Variants in PDE7B observed in about 807,000 individuals in gnomAD.
The protein encoded by PDE7B is phosphodiesterase 7B, also known as 3',5'-cyclic-AMP phosphodiesterase 7B.
Under a neutral mutation model 56.2 loss-of-function variants are expected in PDE7B, and 29 were observed. That is an observed-to-expected ratio of 0.52 (90% CI 0.38 to 0.70). PDE7B has a LOEUF of 0.70. PDE7B is among the 30% of genes least tolerant of loss of function. The pLI, the probability that PDE7B is intolerant of heterozygous loss-of-function variation, is 0.00. For synonymous variants in PDE7B, 197 were observed against 196.9 expected (o/e 1.00, Z 0.00); for missense variants, 490 against 565.0 (o/e 0.87, Z 1.35).
At chr6:136,084,153 T>C (rs907515890) in intron 2 of PDE7B, among the ~76,000 whole-genome samples, 2 of 152,158 alleles carry the variant, frequency 1.3e-5, no homozygotes, top group Non-Finnish European at 2.9e-5. Flanking sequence ...CTCTCCAAAT[T>C]ATTTATCCAT....
chr6:136,100,856 G>A (rs1261162871), intron 2 of PDE7B, among the ~76,000 whole-genome samples: 1 of 152,176 alleles, frequency 6.6e-6, no homozygotes, highest in Non-Finnish European at 1.5e-5. Flanking sequence ...GGTTTTCAAA[G>A]GGAATGCTTC....
chr6:135,915,799 G>C (rs1017616805), intron 1 of PDE7B, among the ~76,000 whole-genome samples: 1 of 152,156 alleles, frequency 6.6e-6, no homozygotes, highest in Non-Finnish European at 1.5e-5. Context: ...AGAATTATAC[G>C]GAATGTGCGT....
chr6:135,999,757 A>G (rs1407033798), intron 2 of PDE7B, among the ~76,000 whole-genome samples: 2 of 151,996 alleles, frequency 1.3e-5, no homozygotes, highest in Non-Finnish European at 2.9e-5. Context: ...AAAATGATTT[A>G]CATTGCTCTG....
At chr6:135,894,463 G>C (rs1775862307) in intron 1 of PDE7B, among the ~76,000 whole-genome samples, 1 of 152,068 alleles carries the variant, frequency 6.6e-6, no homozygotes, top group Admixed American at 6.6e-5. Flanking sequence ...ATAATAACAA[G>C]AATTATAACC....
chr6:136,030,442 CTGTGTGTGCATGTG>C (rs1776228151), intron 2 of PDE7B, among the ~76,000 whole-genome samples: 1 of 151,470 alleles, frequency 6.6e-6, no homozygotes, highest in Non-Finnish European at 1.5e-5. Flanking sequence ...AACTTTTGTG[CTGTGTGTGCATGTG>C]TGTGTGTGCA....
At chr6:135,971,915 A>T (rs1583803913) in intron 2 of PDE7B, among the ~76,000 whole-genome samples, 1 of 152,274 alleles carries the variant, frequency 6.6e-6, no homozygotes, top group East Asian at 1.9e-4. Context: ...CAGCCATAAT[A>T]GATAATAATG....
chr6:135,854,144 A>G (rs1403624948), intron 1 of PDE7B, among the ~76,000 whole-genome samples: 1 of 152,220 alleles, frequency 6.6e-6, no homozygotes, highest in Non-Finnish European at 1.5e-5. Context: ...AAAATGCCTC[A>G]GCCTAGTAAT....
chr6:136,099,604 T>C (rs1299397473), intron 2 of PDE7B, among the ~76,000 whole-genome samples: 1 of 152,044 alleles, frequency 6.6e-6, no homozygotes, highest in African/African-American at 2.4e-5. Flanking sequence ...ATATCCTTTG[T>C]CCACTTTTTG....
chr6:136,128,628 C>T (rs540972290), intron 3 of PDE7B, among the ~76,000 whole-genome samples: 40 of 152,270 alleles, frequency 2.6e-4, no homozygotes, highest in South Asian at 8.3e-4. Context: ...CTTACTCACA[C>T]CATTGAGCTA....
At chr6:136,000,300 T>C (rs1369056376) in intron 2 of PDE7B, among the ~76,000 whole-genome samples, 1 of 152,168 alleles carries the variant, frequency 6.6e-6, no homozygotes, top group African/African-American at 2.4e-5. Context: ...TTGCTTTTGG[T>C]GTCTTTGTCA....
At chr6:136,118,098 T>C (rs1777870752) in intron 3 of PDE7B, among the ~76,000 whole-genome samples, 1 of 152,132 alleles carries the variant, frequency 6.6e-6, no homozygotes, top group South Asian at 2.1e-4. Flanking sequence ...TTATAATAGG[T>C]CCATAATAAA....
chr6:135,978,022 G>C (rs6902199), intron 2 of PDE7B, among the ~76,000 whole-genome samples: 3 of 152,060 alleles, frequency 2.0e-5, no homozygotes, highest in Non-Finnish European at 4.4e-5. Context: ...AGGCAAACCT[G>C]TACGGTAATG....
intron 8 of PDE7B, among the ~76,000 whole-genome samples, chr6:136,166,157 C>T (rs1001582547): frequency 3.3e-5 from 5 of 152,010 alleles, no homozygotes; most frequent in Non-Finnish European, 7.4e-5. Context: ...TCCACATGTC[C>T]CACACTGAAC....
intron 2 of PDE7B, among the ~76,000 whole-genome samples, chr6:135,997,771 T>C (rs62429930): frequency 0.023 from 3,430 of 152,280 alleles, 49 homozygotes; most frequent in Non-Finnish European, 0.035. Flanking sequence ...GAACACAAGA[T>C]GGTATAAATG....
intron 1 of PDE7B, among the ~76,000 whole-genome samples, chr6:135,882,967 AG>A (rs1410503547): frequency 6.6e-6 from 1 of 152,150 alleles, no homozygotes; most frequent in Non-Finnish European, 1.5e-5. Context: ...TTTTTTCATA[AG>A]GTAGACATTG....
chr6:136,150,855 A>ATGTGTGTGTG lies in PDE7B; in HGVS notation c.383-299_383-290dup, dbSNP rs60877369. On this transcript the variant is annotated intron_variant, in intron 5 of 12. Coordinates refer to ENST00000308191, the MANE Select transcript of PDE7B (RefSeq NM_018945.4). ...TCTTTAAAAAAATACACATATACACATGTGTGTGTGTGTGTATGTGTATGT... is the reference window on the plus strand; with the variant it reads ...TCTTTAAAAAAATACACATATACACATGTGTGTGTGTGTGTGTGTGTGTGTATGTGTATGT... Among the ~76,000 whole-genome samples, 178 of 150,618 alleles carry ATGTGTGTGTG rather than the reference A, an allele frequency of 1.2e-3. 2 individuals are homozygous for ATGTGTGTGTG. The highest frequency in any genetic ancestry group is 3.9e-3 in the African/African-American group (161 of 41,158).
In PDE7B at chr6:135,987,237, TCTCAG is replaced by T. The variant is rs140000985; in HGVS notation, c.82+39719_82+39723del. ...CTTTTTAAATGATTTGGGATAATCT[TCTCAG>T]CTCAGGCGAAAGCTGTTCAGAGTCA... On this transcript the variant is annotated intron_variant, in intron 2 of 12. Coordinates refer to ENST00000308191, the MANE Select transcript of PDE7B (RefSeq NM_018945.4). Among the ~76,000 whole-genome samples the T allele has an allele frequency of 3.3e-5, 5 of 152,254 alleles. No individual in the cohort carries two copies. In the East Asian group the frequency reaches 9.7e-4, roughly 29 times the overall value.
At chr6:136,165,178 G>A (rs552117022) in intron 8 of PDE7B, among the ~76,000 whole-genome samples, 1 of 152,332 alleles carries the variant, frequency 6.6e-6, no homozygotes, top group Non-Finnish European at 1.5e-5. Flanking sequence ...TCCTGTGGGT[G>A]TAGAAGGTCT....
intron 2 of PDE7B, among the ~76,000 whole-genome samples, chr6:135,954,837 G>A (rs1277109118): frequency 2.0e-5 from 3 of 152,098 alleles, no homozygotes; most frequent in African/African-American, 7.2e-5. Context: ...AAGTTTCCTA[G>A]CTTGAAGGTT....
Sources: allele counts gnomAD v4.1 joint callset (sites outside exome capture counted in the v4.1 genomes callset), GRCh38; gene constraint gnomAD v4.1.1; transcripts MANE v1.5; gene names NCBI Gene and HGNC (gene_info 2026-07-23, HGNC 2026-07-21).